Variants in AGL observed in about 807,000 individuals in gnomAD.
The protein encoded by AGL is glycogen debranching enzyme.
A neutral mutation model predicts 199.3 loss-of-function variants in AGL; 128 were observed. That is an observed-to-expected ratio of 0.64 (90% CI 0.56 to 0.74). The LOEUF (loss-of-function observed/expected upper bound fraction) is 0.74, where lower values mean the gene tolerates loss of function less well. AGL is among the 30% of genes least tolerant of loss of function. The pLI is 0.00. For synonymous variants in AGL, 584 were observed against 594.7 expected (o/e 0.98, Z 0.26); for missense variants, 1,809 against 1,820.8 (o/e 0.99, Z 0.12).
At chr1:99,881,515 A>G (rs780115500) in intron 16 of AGL, 26 bp from the exon 17 acceptor site, 1 of 1,613,956 alleles carries the variant, frequency 6.2e-7, no homozygotes, top group South Asian at 1.1e-5. Context: ...TTGAGAGCTA[A>G]TCTAGTTGTT....
chr1:99,911,059 G>C (rs113637175), intron 28 of AGL, among the ~76,000 whole-genome samples: 2 of 152,086 alleles, frequency 1.3e-5, no homozygotes, highest in African/African-American at 4.8e-5. Flanking sequence ...GTAAGTGCTC[G>C]TGGGTTGATT....
chr1:99,886,049 T>C (rs1041206260), intron 20 of AGL, among the ~76,000 whole-genome samples: 2 of 152,186 alleles, frequency 1.3e-5, no homozygotes, highest in Non-Finnish European at 2.9e-5. Context: ...AATTAATACT[T>C]TCAGCTCTAT....
rs558817369 is a variant in AGL, at chr1:99,885,436, A to G, written c.2681+733A>G. ...AGTACTAGTATAAATATTTTCAGAA[A>G]TGGAAGTTTTGGGTTAGACGAGGGG... On this transcript the variant is annotated intron_variant, in intron 20 of 33. Transcript: ENST00000361915. Among the ~76,000 whole-genome samples, 4 of 152,332 alleles carry G rather than the reference A, an allele frequency of 2.6e-5. No individual in the cohort carries two copies. The East Asian group carries it at 7.7e-4, about 29-fold the overall frequency.
chr1:99,858,868 GTTAAC>G (rs1330208220), intron 2 of AGL, among the ~76,000 whole-genome samples: 3 of 151,608 alleles, frequency 2.0e-5, no homozygotes, highest in African/African-American at 7.3e-5. Context: ...ATCCCATTAA[GTTAAC>G]TTTTATATTT....
rs888498974 is a variant in AGL, at chr1:99,850,408, C to G, written c.-76C>G. On this transcript the variant is annotated 5_prime_UTR_variant, in exon 1 of 34. Coordinates refer to ENST00000361915, the MANE Select transcript of AGL (RefSeq NM_000642.3). The stretch of plus-strand genomic sequence containing the variant: ...TGCCCCAGAAGCCGCACGTATAACT[C>G]CCTCGGCGTAAGTGCTAGGAATGCC... The G allele has an allele frequency of 6.5e-5, 10 of 152,930 alleles. No homozygotes were observed. Among genetic ancestry groups the G allele is most frequent in the African/African-American group, 2.4e-4 (10 of 41,470 alleles). 9.5% of individuals were successfully genotyped at this position (152,930 alleles called of 1,614,324 possible). A position where few individuals can be genotyped will look rare whatever the true frequency, so the allele number is the denominator to read the frequency against.
At chr1:99,852,224 C>G (rs1649012130) in intron 2 of AGL, among the ~76,000 whole-genome samples, 1 of 152,096 alleles carries the variant, frequency 6.6e-6, no homozygotes, top group Admixed American at 6.6e-5. Context: ...GAGGAAAAGC[C>G]TTGAGCTTTC....
intron 5 of AGL, among the ~76,000 whole-genome samples, chr1:99,867,922 G>C (rs1650664718): frequency 6.6e-6 from 1 of 152,122 alleles, no homozygotes; most frequent in Non-Finnish European, 1.5e-5. Context: ...CCCACAAGTA[G>C]CAGGCCAAGA....
intron 21 of AGL, among the ~76,000 whole-genome samples, chr1:99,890,918 A>G (rs918190070): frequency 3.3e-5 from 5 of 152,158 alleles, no homozygotes; most frequent in African/African-American, 1.2e-4. Context: ...CTTGAATATT[A>G]TAACATTAAA....
intron 30 of AGL, among the ~76,000 whole-genome samples, chr1:99,914,424 A>T (rs1387321042): frequency 2.6e-5 from 4 of 152,140 alleles, no homozygotes. Context: ...TTAAATCTAT[A>T]CTTTAGTCTA....
chr1:99,899,542 TTCTC>T (rs1199683129), intron 25 of AGL, among the ~76,000 whole-genome samples: 1 of 75,672 alleles, frequency 1.3e-5, no homozygotes, highest in Non-Finnish European at 2.8e-5. Context: ...CTCTCTCTCT[TTCTC>T]TCTCTCTCTC....
rs28730707 is a variant in AGL, at chr1:99,915,300, T to A, written c.4162-89T>A. 2.7e-3 allele frequency: 3,000 copies of A among 1,114,088 alleles called. 61 individuals carry two copies. The African/African-American group carries it at 0.039, about 15-fold the overall frequency. 69.0% of individuals were successfully genotyped at this position (1,114,088 alleles called of 1,614,324 possible). On this transcript the variant is annotated intron_variant, in intron 30 of 33. Transcript: ENST00000361915. ...GACCCTCATGGTATTTTAAGTAATT[T>A]TTTTCAAGCTTATGAATAGTTTCTG...
Position 99,875,462 on chromosome 1 carries a change from C to T in AGL, c.1283+7C>T. The T allele has an allele frequency of 6.2e-7, 1 of 1,612,844 alleles. No individual in the cohort carries two copies. Among genetic ancestry groups the T allele is most frequent in the South Asian group, 1.1e-5 (1 of 91,042 alleles). ...AGCATCCTTTAGTTACCAGGTGTTG[C>T]ATTTTTGTTTTTTTTCTTATTGATG... On this transcript the variant is annotated splice_region_variant and intron_variant, in intron 10 of 33. Transcript: ENST00000361915.
intron 5 of AGL, among the ~76,000 whole-genome samples, chr1:99,869,091 C>T (rs1650772313): frequency 6.6e-6 from 1 of 152,154 alleles, no homozygotes; most frequent in Admixed American, 6.5e-5. Flanking sequence ...TCCCAAAGTG[C>T]TGAGATTACA....
At chr1:99,879,258 C>T (rs919037168) in intron 12 of AGL, among the ~76,000 whole-genome samples, 1 of 152,074 alleles carries the variant, frequency 6.6e-6, no homozygotes, top group Non-Finnish European at 1.5e-5. Flanking sequence ...ATTTAGTCAA[C>T]CACCTGGAAA....
In AGL at chr1:99,864,703, A is replaced by T. The variant is rs1650358999; in HGVS notation, c.664+114A>T. 4 of 928,968 alleles carry T rather than the reference A, an allele frequency of 4.3e-6. No homozygotes were observed. The Admixed American group carries it at 9.9e-5, about 23-fold the overall frequency. 57.5% of individuals were successfully genotyped at this position (928,968 alleles called of 1,614,324 possible). On this transcript the variant is annotated intron_variant, in intron 5 of 33. Transcript: ENST00000361915. ...AAGAGAAAGGAAAGGGGCTAACATAAATTTTAAAAACACAAATGATGATTA... is the reference window on the plus strand; with the variant it reads ...AAGAGAAAGGAAAGGGGCTAACATATATTTTAAAAACACAAATGATGATTA...
In AGL at chr1:99,874,283, A is replaced by G. The variant is rs779449577; in HGVS notation, c.959-404A>G. ...AAAAAAAAAAAAGGTACATGTATAC[A>G]TGTATAACAAACCTGCAAGTTGTGC... On this transcript the variant is annotated intron_variant, in intron 7 of 33. Transcript: ENST00000361915. Among the ~76,000 whole-genome samples, 100 of 150,990 alleles carry G rather than the reference A, an allele frequency of 6.6e-4. 3 individuals are homozygous for G. Among genetic ancestry groups the G allele is most frequent in the Non-Finnish European group, 1.6e-4 (11 of 67,794 alleles).
chr1:99,905,308 T>C, intron 27 of AGL, among the ~76,000 whole-genome samples: 1 of 152,184 alleles, frequency 6.6e-6, no homozygotes, highest in Non-Finnish European at 1.5e-5. Context: ...ACGATTCTTG[T>C]ACCTCAGCCT....
rs2100792492 is a variant in AGL, at chr1:99,892,487, C to T, written c.3139C>T (p.Leu1047=). 1 of 1,613,574 alleles carries T rather than the reference C, an allele frequency of 6.2e-7. No homozygotes were observed. Among genetic ancestry groups the T allele is most frequent in the South Asian group, 1.1e-5 (1 of 91,060 alleles). The change falls in exon 24 of 34, where the codon CTG becomes TTG. Residue 1047 remains leucine (L), a synonymous_variant. Transcript: ENST00000361915. ...VKHLSLGSVQ[L]CGVGKFPSLP... ...ACACCTTTCATTGGGTTCAGTTCAA[C>T]TGTGTGGAGTAGGAAAATTCCCTTC...
intron 10 of AGL, among the ~76,000 whole-genome samples, 178 bp downstream of exon 10, chr1:99,875,633 T>C (rs1651457008): frequency 1.3e-5 from 2 of 152,192 alleles, no homozygotes; most frequent in South Asian, 4.1e-4. Flanking sequence ...GGCAAATATT[T>C]TGTTAGAGAA....
Sources: allele counts gnomAD v4.1 joint callset (sites outside exome capture counted in the v4.1 genomes callset), GRCh38; gene constraint gnomAD v4.1.1; transcripts MANE v1.5; gene names NCBI Gene and HGNC (gene_info 2026-07-23, HGNC 2026-07-21).